Variants in PAPPA2 observed in about 807,000 individuals in gnomAD.
PAPPA2 encodes pappalysin 2.
Under a neutral mutation model 176.4 loss-of-function variants are expected in PAPPA2, and 86 were observed. The observed-to-expected ratio is 0.49, with a 90% CI of 0.41 to 0.58. PAPPA2 has a LOEUF of 0.58. Among genes scored for constraint, PAPPA2 ranks in the 20% least tolerant of loss-of-function variants. The probability of loss-of-function intolerance (pLI) is 0.00; values close to 1 mark genes in which losing one functional copy is unlikely to be tolerated. For synonymous variants in PAPPA2, 809 were observed against 852.2 expected (o/e 0.95, Z 0.88); for missense variants, 2,073 against 2,256.9 (o/e 0.92, Z 1.65).
chr1:176,607,373 T>G (rs1654674365), intron 3 of PAPPA2, among the ~76,000 whole-genome samples: 1 of 152,206 alleles, frequency 6.6e-6, no homozygotes, highest in African/African-American at 2.4e-5. Context: ...ACTTCCACAC[T>G]TCCTAAGCCT....
At chr1:176,804,485 G>T (rs1665811353) in intron 21 of PAPPA2, among the ~76,000 whole-genome samples, 1 of 152,104 alleles carries the variant, frequency 6.6e-6, no homozygotes, top group African/African-American at 2.4e-5. Context: ...TGCCCCAAAT[G>T]CCAATAATAC....
chr1:176,775,738 A>G (rs1314508543), intron 17 of PAPPA2, among the ~76,000 whole-genome samples: 4 of 152,144 alleles, frequency 2.6e-5, no homozygotes, highest in African/African-American at 9.7e-5. Context: ...AGTCGCTACC[A>G]TGTACAGCCA....
intron 8 of PAPPA2, among the ~76,000 whole-genome samples, chr1:176,700,086 T>C (rs192971732): frequency 9.2e-5 from 14 of 152,230 alleles, no homozygotes; most frequent in Non-Finnish European, 2.1e-4. Context: ...TCTCTCATTT[T>C]CCCCCCTCAC....
chr1:176,530,603 CA>C (rs11300125), intron 1 of PAPPA2, among the ~76,000 whole-genome samples: 44,440 of 145,876 alleles, frequency 0.3, 7,238 homozygotes, highest in African/African-American at 0.44. Context: ...TCATCTCATG[CA>C]AAAAAAAAAA....
At position 176,606,851 on chromosome 1, in the gene PAPPA2, A is replaced by G. The variant is rs564034160; in HGVS notation, c.1991+11256A>G. 2.6e-5 allele frequency among the ~76,000 whole-genome samples: 4 copies of G among 152,302 alleles called. No individual in the cohort carries two copies. The South Asian group carries it at 8.3e-4, about 32-fold the overall frequency. Reference sequence around the variant, plus strand: ...ACATGAACCAAAGTACAGATGTGCAAACATGTTAAGGCCACTCTAAAAAGA... The same window carrying G: ...ACATGAACCAAAGTACAGATGTGCAGACATGTTAAGGCCACTCTAAAAAGA... On this transcript the variant is annotated intron_variant, in intron 3 of 22. Coordinates refer to ENST00000367662, the MANE Select transcript of PAPPA2 (RefSeq NM_020318.3).
At chr1:176,664,557 A>T (rs1172110032) in intron 3 of PAPPA2, among the ~76,000 whole-genome samples, 1 of 152,184 alleles carries the variant, frequency 6.6e-6, no homozygotes, top group Non-Finnish European at 1.5e-5. Flanking sequence ...AAATCTAAAC[A>T]GTCCTTTTTG....
intron 3 of PAPPA2, among the ~76,000 whole-genome samples, chr1:176,623,606 C>CTTACTTT (rs1558478951): frequency 8.9e-6 from 1 of 112,744 alleles, no homozygotes; most frequent in African/African-American, 3.6e-5. Flanking sequence ...TTCCTTCCTT[C>CTTACTTT]CTTCCTTCCT....
chr1:176,681,584 C>T (rs559116005), intron 4 of PAPPA2, among the ~76,000 whole-genome samples: 13 of 151,994 alleles, frequency 8.6e-5, no homozygotes, highest in Non-Finnish European at 1.2e-4. Flanking sequence ...GAAGAATGTC[C>T]GGCATACAGC....
intron 9 of PAPPA2, among the ~76,000 whole-genome samples, chr1:176,703,832 C>G (rs2102824622): frequency 6.6e-6 from 1 of 152,364 alleles, no homozygotes; most frequent in South Asian, 2.1e-4. Flanking sequence ...TCCCTTGCTA[C>G]CTAACTCAGC....
chr1:176,791,294 T>A, intron 18 of PAPPA2, 53 bp from the exon 19 acceptor site: 1 of 1,401,510 alleles, frequency 7.1e-7, no homozygotes, highest in Non-Finnish European at 9.6e-7. Context: ...TTTTTTCAAC[T>A]CTCAATAAAG....
intron 3 of PAPPA2, among the ~76,000 whole-genome samples, chr1:176,604,850 G>C (rs571166969): frequency 6.6e-6 from 1 of 152,280 alleles, no homozygotes; most frequent in South Asian, 2.1e-4. Context: ...TGACAATGTA[G>C]GGCAAGGGTT....
At chr1:176,634,954 GATAGATAGATAA>G (rs1410388454) in intron 3 of PAPPA2, among the ~76,000 whole-genome samples, 223 of 124,800 alleles carry the variant, frequency 1.8e-3, no homozygotes, top group South Asian at 4.8e-3. Flanking sequence ...TAGGTAGATA[GATAGATAGATAA>G]ATAGATAGAT....
At chr1:176,735,692 C>CTATCTA (rs1269120923) in intron 12 of PAPPA2, among the ~76,000 whole-genome samples, 4 of 122,146 alleles carry the variant, frequency 3.3e-5, no homozygotes, top group African/African-American at 1.2e-4. Flanking sequence ...ATCTATCTAT[C>CTATCTA]TATCTATCTA....
At chr1:176,651,134 G>T (rs1657696600) in intron 3 of PAPPA2, among the ~76,000 whole-genome samples, 1 of 151,366 alleles carries the variant, frequency 6.6e-6, no homozygotes, top group South Asian at 2.1e-4. Flanking sequence ...TTGTCTTTTG[G>T]GCTTTGTCCT....
At chr1:176,554,460 G>A (rs943799736) in intron 1 of PAPPA2, among the ~76,000 whole-genome samples, 1 of 152,168 alleles carries the variant, frequency 6.6e-6, no homozygotes, top group African/African-American at 2.4e-5. Context: ...GTGTGTATTT[G>A]TGTACACGCA....
intron 10 of PAPPA2, 46 bp downstream of exon 10, chr1:176,706,496 G>C: frequency 6.5e-7 from 1 of 1,542,796 alleles, no homozygotes; most frequent in Non-Finnish European, 8.9e-7. Flanking sequence ...ACTTTTAGAG[G>C]TGTATTATTT....
At chr1:176,690,091 C>A (rs755588133) in intron 4 of PAPPA2, 46 bp from the exon 5 acceptor site, 1 of 1,467,600 alleles carries the variant, frequency 6.8e-7, no homozygotes, top group Non-Finnish European at 9.3e-7. Flanking sequence ...GATTGGAGAG[C>A]TATTCATTCT....
intron 18 of PAPPA2, 67 bp from the exon 19 acceptor site, chr1:176,791,280 C>A (rs1430550128): frequency 2.3e-6 from 3 of 1,326,278 alleles, no homozygotes; most frequent in Non-Finnish European, 3.0e-6. Flanking sequence ...CTTAATCAGA[C>A]CACTTTTTTC....
chr1:176,614,970 G>GA (rs901996585), intron 3 of PAPPA2, among the ~76,000 whole-genome samples: 62 of 149,708 alleles, frequency 4.1e-4, no homozygotes, highest in African/African-American at 7.8e-4. Flanking sequence ...GGAAGAGAAG[G>GA]AAAAAAAAAT....
Sources: allele counts gnomAD v4.1 joint callset (sites outside exome capture counted in the v4.1 genomes callset), GRCh38; gene constraint gnomAD v4.1.1; transcripts MANE v1.5; gene names NCBI Gene and HGNC (gene_info 2026-07-23, HGNC 2026-07-21).